Variants in PHACTR3 observed in about 807,000 individuals in gnomAD.
PHACTR3 encodes phosphatase and actin regulator 3.
Under a neutral mutation model 66.8 loss-of-function variants are expected in PHACTR3, and 16 were observed. The ratio of observed to expected loss-of-function variants is 0.24; its 90% CI spans 0.16 to 0.36. PHACTR3 has a LOEUF of 0.36. Among genes scored for constraint, PHACTR3 ranks in the 10% least tolerant of loss-of-function variants. The pLI, the probability that PHACTR3 is intolerant of heterozygous loss-of-function variation, is 1.00. For synonymous variants in PHACTR3, 323 were observed against 292.1 expected (o/e 1.11, Z -1.08); for missense variants, 647 against 719.9 (o/e 0.90, Z 1.16).
intron 8 of PHACTR3, among the ~76,000 whole-genome samples, chr20:59,811,823 G>C (rs2041744832): frequency 6.6e-6 from 1 of 152,198 alleles, no homozygotes; most frequent in Non-Finnish European, 1.5e-5. Flanking sequence ...GCGTGAGATA[G>C]GCCAGCACCA....
intron 7 of PHACTR3, among the ~76,000 whole-genome samples, chr20:59,794,741 CTA>C (rs977254764): frequency 2.0e-5 from 3 of 152,098 alleles, no homozygotes; most frequent in African/African-American, 7.2e-5. Flanking sequence ...TTCTGATTTT[CTA>C]TTTCTTCATA....
intron 7 of PHACTR3, among the ~76,000 whole-genome samples, chr20:59,794,857 T>C (rs1000346617): frequency 1.3e-5 from 2 of 152,202 alleles, no homozygotes; most frequent in African/African-American, 4.8e-5. Context: ...CATAATAGTG[T>C]CTTATGATTC....
intron 1 of PHACTR3, among the ~76,000 whole-genome samples, chr20:59,614,565 C>G (rs1016016859): frequency 2.0e-5 from 3 of 152,156 alleles, no homozygotes; most frequent in African/African-American, 7.2e-5. Context: ...TGGATCAGCC[C>G]TGCACTGAGA....
At chr20:59,840,854 A>C (rs1392096528) in intron 10 of PHACTR3, among the ~76,000 whole-genome samples, 1 of 152,182 alleles carries the variant, frequency 6.6e-6, no homozygotes, top group Non-Finnish European at 1.5e-5. Context: ...ATTAGACTCA[A>C]AGGTTTGTTC....
intron 4 of PHACTR3, among the ~76,000 whole-genome samples, chr20:59,755,595 G>A (rs1417226097): frequency 6.6e-6 from 1 of 151,262 alleles, no homozygotes; most frequent in Non-Finnish European, 1.5e-5. Flanking sequence ...ATAAGTGAAG[G>A]TACTTAACGA....
chr20:59,783,501 T>C (rs1023605445), intron 7 of PHACTR3, among the ~76,000 whole-genome samples: 10 of 149,312 alleles, frequency 6.7e-5, no homozygotes, highest in Non-Finnish European at 1.3e-4. Flanking sequence ...GCACTTTTCA[T>C]GCATTTTATT....
chr20:59,581,603 T>C (rs149241541), intron 1 of PHACTR3, among the ~76,000 whole-genome samples: 2,175 of 152,306 alleles, frequency 0.014, 64 homozygotes, highest in African/African-American at 0.045. Flanking sequence ...TGGCCTAGGC[T>C]GGACGTGGTG....
chr20:59,760,971 G>A (rs113070117), intron 4 of PHACTR3, among the ~76,000 whole-genome samples: 16 of 152,190 alleles, frequency 1.1e-4, no homozygotes, highest in Admixed American at 4.6e-4. Flanking sequence ...CCAGGCCATA[G>A]AGCATAAAAA....
intron 1 of PHACTR3, among the ~76,000 whole-genome samples, chr20:59,675,949 C>T (rs556244894): frequency 1.3e-5 from 2 of 152,322 alleles, no homozygotes; most frequent in East Asian, 3.9e-4. Context: ...TGGGCCTGGG[C>T]CTGGGCCCGG....
chr20:59,770,512 T>C (rs2146881351), intron 5 of PHACTR3, among the ~76,000 whole-genome samples: 1 of 152,320 alleles, frequency 6.6e-6, no homozygotes, highest in East Asian at 1.9e-4. Context: ...TCTTAGTTCA[T>C]CTGAGTGACT....
rs144308358 is a variant in PHACTR3, at chr20:59,845,200, T to C, written c.1599T>C (p.Arg533=). 159 of 1,601,872 alleles carry C rather than the reference T, an allele frequency of 9.9e-5. No homozygotes were observed. Among genetic ancestry groups the C allele is most frequent in the Non-Finnish European group, 1.3e-4 (152 of 1,170,920 alleles). Residue 533 remains arginine (R), a synonymous_variant, in exon 12 of 13, where the codon CGT becomes CGC. Coordinates refer to ENST00000371015, the MANE Select transcript of PHACTR3 (RefSeq NM_080672.5). ...RLSAADKAAI[R]KELNEYKSNE... is the part of the protein sequence containing the mutation. ...TTTTTAAATTTCAGGCAGCAATTCG[T>C]AAAGAATTAAATGAGTACAAAAGTA... is the stretch of plus-strand genomic sequence containing the variant.
At chr20:59,775,587 G>T (rs555527916) in intron 7 of PHACTR3, among the ~76,000 whole-genome samples, 7 of 152,264 alleles carry the variant, frequency 4.6e-5, no homozygotes, top group South Asian at 2.1e-4. Flanking sequence ...CATGAAAGGG[G>T]TGGGGGTGCT....
At chr20:59,629,767 C>T (rs1483593749) in intron 1 of PHACTR3, among the ~76,000 whole-genome samples, 1 of 152,246 alleles carries the variant, frequency 6.6e-6, no homozygotes, top group African/African-American at 2.4e-5. Context: ...CAATTGTCCT[C>T]AATACAGTTG....
intron 1 of PHACTR3, among the ~76,000 whole-genome samples, chr20:59,660,233 G>C (rs1182121855): frequency 6.6e-6 from 1 of 152,130 alleles, no homozygotes; most frequent in Non-Finnish European, 1.5e-5. Context: ...AGTGGCTCAC[G>C]CCTGTAATCC....
chr20:59,740,277 G>A (rs1435686730), intron 1 of PHACTR3, among the ~76,000 whole-genome samples: 1 of 151,930 alleles, frequency 6.6e-6, no homozygotes, highest in Non-Finnish European at 1.5e-5. Flanking sequence ...TGTGTATTGT[G>A]GATGTTTATC....
Position 59,847,181 on chromosome 20 carries a change from A to G in PHACTR3, c.*51A>G. 7.3e-7 allele frequency: 1 copy of G among 1,370,058 alleles called. No individual in the cohort carries two copies. Among genetic ancestry groups the G allele is most frequent in the African/African-American group, 1.4e-5 (1 of 70,142 alleles). 84.9% of individuals were successfully genotyped at this position (1,370,058 alleles called of 1,614,324 possible). A position where few individuals can be genotyped will look rare whatever the true frequency, so the allele number is the denominator to read the frequency against. On this transcript the variant is annotated 3_prime_UTR_variant, in exon 13 of 13. Transcript: ENST00000371015. Reference sequence around the variant, plus strand: ...GTTTAATTTTTTGATACCAACACTGAACATTCATCAGGGAACTTTCCTGAA... The same window carrying G: ...GTTTAATTTTTTGATACCAACACTGGACATTCATCAGGGAACTTTCCTGAA...
At chr20:59,750,259 G>A (rs921238599) in intron 3 of PHACTR3, among the ~76,000 whole-genome samples, 7 of 151,968 alleles carry the variant, frequency 4.6e-5, no homozygotes, top group African/African-American at 1.4e-4. Flanking sequence ...TCCAAAGGTG[G>A]GCAGGAGGAC....
chr20:59,666,632 A>G (rs1048523791), intron 1 of PHACTR3, among the ~76,000 whole-genome samples: 14 of 151,758 alleles, frequency 9.2e-5, no homozygotes, highest in Non-Finnish European at 1.6e-4. Context: ...CAGAGGAAGA[A>G]AGAGAGAGAG....
chr20:59,737,546 ATG>A lies in PHACTR3; in HGVS notation c.119-5553_119-5552del, dbSNP rs1445080961. ...CGTGTATGTGTGTGCGTGCATGTGC[ATG>A]TGTGTGTCTCTGTGTGCATGTGTGT... On this transcript the variant is annotated intron_variant, in intron 1 of 12. Transcript: ENST00000371015. Among the ~76,000 whole-genome samples the A allele has an allele frequency of 3.3e-5, 5 of 151,564 alleles. 1 individual carries two copies. In the South Asian group the frequency reaches 8.4e-4, roughly 25 times the overall value.
Sources: allele counts gnomAD v4.1 joint callset (sites outside exome capture counted in the v4.1 genomes callset), GRCh38; gene constraint gnomAD v4.1.1; transcripts MANE v1.5; gene names NCBI Gene and HGNC (gene_info 2026-07-23, HGNC 2026-07-21).